The following CACNA2D1 variants were observed in gnomAD, a reference collection of about 807,000 sequenced individuals.
The protein encoded by CACNA2D1 is calcium voltage-gated channel auxiliary subunit alpha2delta 1.
Under a neutral mutation model 171.5 loss-of-function variants are expected in CACNA2D1, and 53 were observed. The ratio of observed to expected loss-of-function variants is 0.31; its 90% CI spans 0.25 to 0.39. The LOEUF is 0.39. Among genes scored for constraint, CACNA2D1 ranks in the 10% least tolerant of loss-of-function variants. The probability of loss-of-function intolerance (pLI) is 1.00; values close to 1 mark genes in which losing one functional copy is unlikely to be tolerated. For missense variants in CACNA2D1, 903 were observed against 1,299.8 expected (o/e 0.69, Z 4.69); for synonymous variants, 442 against 443.1 (o/e 1.00, Z 0.03).
chr7:82,238,313 A>G (rs1264830553), intron 3 of CACNA2D1, among the ~76,000 whole-genome samples: 1 of 152,032 alleles, frequency 6.6e-6, no homozygotes, highest in Non-Finnish European at 1.5e-5. Context: ...AATCATCTAC[A>G]ACATAGGGGA....
chr7:82,242,663 T>C (rs1028704454), intron 3 of CACNA2D1, among the ~76,000 whole-genome samples: 1 of 152,046 alleles, frequency 6.6e-6, no homozygotes, highest in Non-Finnish European at 1.5e-5. Flanking sequence ...ATTCAGAAAA[T>C]CGAATAACAC....
intron 3 of CACNA2D1, among the ~76,000 whole-genome samples, chr7:82,196,223 C>T (rs570654416): frequency 5.3e-5 from 8 of 152,170 alleles, no homozygotes; most frequent in Non-Finnish European, 1.2e-4. Context: ...TCTAATAACT[C>T]TCTTTAAAGT....
chr7:82,006,175 A>G (rs918507673), intron 16 of CACNA2D1, among the ~76,000 whole-genome samples: 2 of 151,956 alleles, frequency 1.3e-5, no homozygotes, highest in Non-Finnish European at 2.9e-5. Flanking sequence ...CTGTGTGTCT[A>G]TATATGTGAG....
chr7:82,092,158 T>G (rs759152316), intron 6 of CACNA2D1, among the ~76,000 whole-genome samples: 2 of 152,224 alleles, frequency 1.3e-5, no homozygotes, highest in African/African-American at 4.8e-5. Context: ...GCAATTAGAA[T>G]GTAAATCTGT....
At position 82,254,690 on chromosome 7, in the gene CACNA2D1, A is replaced by G. The variant is rs1005533146; in HGVS notation, c.294+80445T>C. ...GCATATCATTTTCTGAGTTAGCAAT[A>G]TGGTATCAGTTATATGTTTTGAAGC... On this transcript the variant is annotated intron_variant, in intron 3 of 38. Transcript: ENST00000356860. 3.3e-5 allele frequency among the ~76,000 whole-genome samples: 5 copies of G among 152,240 alleles called. No homozygotes were observed. In the East Asian group the frequency reaches 9.7e-4, roughly 29 times the overall value.
At chr7:82,162,505 G>C (rs556153631) in intron 4 of CACNA2D1, among the ~76,000 whole-genome samples, 2 of 152,088 alleles carry the variant, frequency 1.3e-5, no homozygotes, top group East Asian at 3.9e-4. Context: ...GGGAGAGCTG[G>C]TCATTCCTTT....
chr7:82,019,431 C>T (rs528508165), intron 12 of CACNA2D1, among the ~76,000 whole-genome samples: 76 of 152,310 alleles, frequency 5.0e-4, no homozygotes, highest in Middle Eastern at 3.4e-3. Context: ...CTGAAAGGAA[C>T]ATTATAATTC....
Position 82,136,674 on chromosome 7 carries a change from G to C in CACNA2D1, c.357C>G (p.Ser119Arg), listed in dbSNP as rs755348061. 6.3e-7 allele frequency: 1 copy of C among 1,576,664 alleles called. No individual in the cohort carries two copies. The highest frequency in any genetic ancestry group is 1.1e-5 in the South Asian group (1 of 87,126). The change falls in exon 5 of 39, where the codon AGC becomes AGG. Residue 119 changes from serine (S) to arginine (R), a missense_variant and splice_region_variant. By Grantham distance (110) the Ser-to-Arg change is moderately radical. Around this residue, in one of 5 missense-constraint regions of CACNA2D1, gnomAD observed 189 missense variants for 266.8 expected, o/e 0.71. Transcript: ENST00000356860. ...AAHQWREDFASNEVVYYNAKD... is the reference protein window; with the variant it reads ...AAHQWREDFARNEVVYYNAKD... Reference sequence around the variant, plus strand: ...TTGCATTGTAGTAGACAACTTCATTGCTCTACAAAAAAAAAAGAACGCTTT... The same window carrying C: ...TTGCATTGTAGTAGACAACTTCATTCCTCTACAAAAAAAAAAGAACGCTTT...
At chr7:81,993,102 A>T (rs1177890765) in intron 20 of CACNA2D1, among the ~76,000 whole-genome samples, 4 of 152,212 alleles carry the variant, frequency 2.6e-5, no homozygotes, top group Non-Finnish European at 5.9e-5. Context: ...TGCATTAAAA[A>T]TTTGATTCAT....
At chr7:82,431,652 A>G (rs1414278149) in intron 1 of CACNA2D1, among the ~76,000 whole-genome samples, 1 of 152,202 alleles carries the variant, frequency 6.6e-6, no homozygotes, top group Admixed American at 6.5e-5. Context: ...GAAATTCAAA[A>G]AAGTTCTTCA....
intron 6 of CACNA2D1, among the ~76,000 whole-genome samples, chr7:82,096,399 C>T (rs536702770): frequency 5.4e-4 from 82 of 152,162 alleles, no homozygotes; most frequent in African/African-American, 1.7e-3. Flanking sequence ...ACACAATAAA[C>T]ACATAAGTAA....
chr7:82,140,482 A>C (rs1414982430), intron 4 of CACNA2D1, among the ~76,000 whole-genome samples: 1 of 152,192 alleles, frequency 6.6e-6, no homozygotes, highest in Non-Finnish European at 1.5e-5. Context: ...AATTTTAATA[A>C]GAATAAATTT....
intron 3 of CACNA2D1, among the ~76,000 whole-genome samples, chr7:82,270,503 A>G (rs1313221112): frequency 6.6e-6 from 1 of 152,070 alleles, no homozygotes. Flanking sequence ...GTTAAAGGAC[A>G]TTTGGGTTGT....
chr7:82,263,352 C>A (rs1270016638), intron 3 of CACNA2D1, among the ~76,000 whole-genome samples: 1 of 152,024 alleles, frequency 6.6e-6, no homozygotes, highest in African/African-American at 2.4e-5. Flanking sequence ...CTCAAGTGAT[C>A]TGCCTGCCTC....
chr7:82,278,557 TAAAAAAAA>T (rs59630150), intron 3 of CACNA2D1, among the ~76,000 whole-genome samples: 15 of 107,772 alleles, frequency 1.4e-4, no homozygotes, highest in Admixed American at 1.1e-4. Flanking sequence ...GACTCTGTCT[TAAAAAAAA>T]AAAAAAAAAA....
chr7:82,186,035 T>A (rs1178808149), intron 3 of CACNA2D1, among the ~76,000 whole-genome samples: 1 of 151,806 alleles, frequency 6.6e-6, no homozygotes, highest in Non-Finnish European at 1.5e-5. Context: ...TATACACCTG[T>A]AATCTCAGCT....
intron 6 of CACNA2D1, among the ~76,000 whole-genome samples, chr7:82,092,930 C>A (rs1811392590): frequency 6.6e-6 from 1 of 151,662 alleles, no homozygotes; most frequent in African/African-American, 2.4e-5. Flanking sequence ...AGAAATGAAG[C>A]CGGAAGCCAT....
chr7:82,073,842 C>G (rs956836127), intron 7 of CACNA2D1, among the ~76,000 whole-genome samples: 2 of 152,078 alleles, frequency 1.3e-5, no homozygotes, highest in Admixed American at 1.3e-4. Flanking sequence ...CTCAGGTGAT[C>G]CGCCTGCCTC....
chr7:82,253,777 G>A (rs1805953441), intron 3 of CACNA2D1, among the ~76,000 whole-genome samples: 1 of 152,168 alleles, frequency 6.6e-6, no homozygotes, highest in African/African-American at 2.4e-5. Context: ...CAAGGTCTCA[G>A]AGCAGATTAC....
Sources: allele counts gnomAD v4.1 joint callset (sites outside exome capture counted in the v4.1 genomes callset), GRCh38; gene constraint gnomAD v4.1.1; regional missense constraint gnomAD v4.1.1; transcripts MANE v1.5; gene names NCBI Gene and HGNC (gene_info 2026-07-23, HGNC 2026-07-21).